DMXL2: variants seen among roughly 807,000 people sequenced by gnomAD.
DMXL2 encodes Dmx like 2.
A neutral mutation model predicts 331.1 loss-of-function variants in DMXL2; 103 were observed. That is an observed-to-expected ratio of 0.31 (90% CI 0.27 to 0.37). The LOEUF (loss-of-function observed/expected upper bound fraction) is 0.37, where lower values mean the gene tolerates loss of function less well. DMXL2 is among the 10% of genes least tolerant of loss of function. The pLI is 1.00. For synonymous variants in DMXL2, 1,281 were observed against 1,252.1 expected, an observed-to-expected ratio of 1.02 and a Z score of -0.49; for missense variants, 3,171 against 3,642.9, an observed-to-expected ratio of 0.87 and a Z score of 3.33.
In DMXL2 at chr15:51,456,139, T is replaced by G; in HGVS notation, c.8453A>C (p.Gln2818Pro). The change falls in exon 39 of 44, where the codon CAG (glutamine) becomes CCG (proline). Residue 2818 changes from glutamine (Q) to proline (P), a missense_variant. Physicochemically the swap from Gln to Pro is moderately conservative, Grantham distance 76 (BLOSUM62 -1). Coordinates refer to ENST00000560891, the MANE Select transcript of DMXL2 (RefSeq NM_001378457.1). ...SVRMFEWTRPQQLVCFRQAGN... is the reference protein window; with the variant it reads ...SVRMFEWTRPPQLVCFRQAGN... ...AGCTTGACGAAAGCAGACAAGTTGC[T>G]GAGGCCGCGTCCATTCAAACATTCG... 6.2e-7 allele frequency: 1 copy of G among 1,614,210 alleles called. No homozygotes were observed. Among genetic ancestry groups the G allele is most frequent in the Non-Finnish European group, 8.5e-7 (1 of 1,180,028 alleles).
In DMXL2 at chr15:51,488,622, C is replaced by T. The variant is rs1244294875; in HGVS notation, c.4977G>A (p.Arg1659=). ...GTGCAGCATCTAAGGCATCATTGTTCCTTTGAAAAGAAGCTTTGGCAACCT... is the reference window on the plus strand; with the variant it reads ...GTGCAGCATCTAAGGCATCATTGTTTCTTTGAAAAGAAGCTTTGGCAACCT... ...IEKVAKASFQ[R]NNDALDAALF... is the part of the protein sequence containing the mutation. Residue 1659 remains arginine, a synonymous_variant, in exon 21 of 44, where the codon AGG becomes AGA. Transcript: ENST00000560891. 2 of 1,610,098 alleles carry T rather than the reference C, an allele frequency of 1.2e-6. No homozygotes were observed. The highest frequency in any genetic ancestry group is 1.7e-5 in the Admixed American group (1 of 58,948).
intron 6 of DMXL2, among the ~76,000 whole-genome samples, chr15:51,562,897 C>CA (rs1001201501): frequency 6.6e-5 from 10 of 151,952 alleles, no homozygotes; most frequent in Middle Eastern, 6.8e-3. Context: ...AGTGGGAAGG[C>CA]AAAAAATAAT....
intron 13 of DMXL2, among the ~76,000 whole-genome samples, chr15:51,521,230 C>A (rs112513444): frequency 0.017 from 2,540 of 152,184 alleles, 36 homozygotes; most frequent in Non-Finnish European, 0.03. Flanking sequence ...CCTGGTCCTA[C>A]CATTGCTAGC....
chr15:51,605,957 C>T (rs1296383998), intron 1 of DMXL2, among the ~76,000 whole-genome samples: 1 of 152,228 alleles, frequency 6.6e-6, no homozygotes, highest in Non-Finnish European at 1.5e-5. Flanking sequence ...GAACATAAGG[C>T]TGTGCTCAGC....
At chr15:51,460,803 A>ATGTT (rs1424421282) in intron 33 of DMXL2, among the ~76,000 whole-genome samples, 1 of 152,118 alleles carries the variant, frequency 6.6e-6, no homozygotes, top group Non-Finnish European at 1.5e-5. Flanking sequence ...AACAGCCTTA[A>ATGTT]TGTTTTATTC....
At chr15:51,496,255 T>C (rs1297323239) in intron 18 of DMXL2, among the ~76,000 whole-genome samples, 3 of 152,130 alleles carry the variant, frequency 2.0e-5, no homozygotes, top group South Asian at 2.1e-4. Flanking sequence ...GGGGATCATA[T>C]TTTAGGAGGT....
rs951870664 is a variant in DMXL2, at chr15:51,488,602, G to A, written c.4997C>T (p.Ala1666Val). 3.1e-6 allele frequency: 5 copies of A among 1,612,818 alleles called. No homozygotes were observed. In the African/African-American group the frequency reaches 4.0e-5, roughly 13 times the overall value. ...CTTCATTGAAAGGTAGAATAGTGCA[G>A]CATCTAAGGCATCATTGTTCCTTTG... ...SFQRNNDALDAALFYLSMKKK... is the reference protein window; with the variant it reads ...SFQRNNDALDVALFYLSMKKK... The change falls in exon 21 of 44, where the codon GCT (alanine) becomes GTT (valine). Residue 1666 changes from alanine to valine, a missense_variant. Ala to Val is a moderately conservative substitution (Grantham distance 64). This residue lies in a region of DMXL2 where 252 missense variants were observed against 387.4 expected (regional missense o/e 0.65). Coordinates refer to ENST00000560891, the MANE Select transcript of DMXL2 (RefSeq NM_001378457.1).
At chr15:51,535,588 C>T (rs1047765355) in intron 13 of DMXL2, 75 bp downstream of exon 13, 55 of 1,387,928 alleles carry the variant, frequency 4.0e-5, no homozygotes, top group Non-Finnish European at 5.2e-5. Context: ...AACTAACAAA[C>T]ACAGGTCCTA....
At chr15:51,589,084 C>G (rs2141224472) in intron 1 of DMXL2, among the ~76,000 whole-genome samples, 1 of 152,288 alleles carries the variant, frequency 6.6e-6, no homozygotes, top group Non-Finnish European at 1.5e-5. Context: ...TAATAACCAT[C>G]TGGAAATGAC....
chr15:51,540,776 G>A (rs2048550742), intron 9 of DMXL2, among the ~76,000 whole-genome samples: 1 of 152,076 alleles, frequency 6.6e-6, no homozygotes, highest in African/African-American at 2.4e-5. Flanking sequence ...TAACAAAATT[G>A]TTTTTAAAAT....
chr15:51,614,793 A>C (rs1056497019), intron 1 of DMXL2, among the ~76,000 whole-genome samples: 4 of 152,222 alleles, frequency 2.6e-5, no homozygotes, highest in African/African-American at 4.8e-5. Flanking sequence ...TGAGTGGAAA[A>C]AAAAGCCACG....
Position 51,576,046 on chromosome 15 carries a change from A to G in DMXL2, c.213+10T>C. The stretch of plus-strand genomic sequence containing the variant: ...TAAATGACATTCAGTAAAGAAATTA[A>G]ATCCCTTACTCTTCCTTGTTGGTTA... On this transcript the variant is annotated intron_variant, in intron 2 of 43. Coordinates refer to ENST00000560891, the MANE Select transcript of DMXL2 (RefSeq NM_001378457.1). The G allele has an allele frequency of 6.3e-7, 1 of 1,594,232 alleles. No individual in the cohort carries two copies. Among genetic ancestry groups the G allele is most frequent in the Non-Finnish European group, 8.5e-7 (1 of 1,173,918 alleles).
chr15:51,558,509 A>G (rs2049743416), intron 6 of DMXL2, among the ~76,000 whole-genome samples: 1 of 152,234 alleles, frequency 6.6e-6, no homozygotes, highest in Non-Finnish European at 1.5e-5. Context: ...TTCATATCAC[A>G]TGACAGTTAC....
intron 21 of DMXL2, 58 bp downstream of exon 21, chr15:51,488,490 C>G: frequency 1.4e-6 from 2 of 1,428,522 alleles, no homozygotes; most frequent in Non-Finnish European, 2.0e-6. Context: ...CATTAGGTTT[C>G]TTACTCACAG....
In DMXL2 at chr15:51,464,845, A is replaced by C. The variant is rs1047485409; in HGVS notation, c.7638T>G (p.Ala2546=). 6.2e-7 allele frequency: 1 copy of C among 1,614,012 alleles called. No homozygotes were observed. Among genetic ancestry groups the C allele is most frequent in the Non-Finnish European group, 8.5e-7 (1 of 1,179,982 alleles). The change falls in exon 32 of 44, where the codon GCT becomes GCG. Residue 2546 remains alanine, a synonymous_variant. Transcript: ENST00000560891. ...ELPVTSPLGI[A]VIKNLENWEQ... is the part of the protein sequence containing the mutation. Reference sequence around the variant, plus strand: ...CCCAGTTCTCCAAGTTTTTAATCACAGCAATACCTAATGGTGATGTTACAG... The same window carrying C: ...CCCAGTTCTCCAAGTTTTTAATCACCGCAATACCTAATGGTGATGTTACAG...
intron 1 of DMXL2, among the ~76,000 whole-genome samples, chr15:51,601,711 C>A (rs1016309906): frequency 1.9e-4 from 29 of 152,102 alleles, no homozygotes; most frequent in African/African-American, 7.0e-4. Context: ...TTCAATATTG[C>A]CTTATCTATT....
At chr15:51,455,361 CCCAAAAAGT>C in intron 39 of DMXL2, 133 bp from the exon 40 acceptor site, 1 of 773,422 alleles carries the variant, frequency 1.3e-6, no homozygotes, top group Non-Finnish European at 2.1e-6. Context: ...TGCTGTCATT[CCCAAAAAGT>C]CCAAGTGCTA....
At position 51,542,527 on chromosome 15, in the gene DMXL2, G is replaced by T. The variant is rs2048656490; in HGVS notation, c.931-20C>A. On this transcript the variant is annotated intron_variant, in intron 8 of 43. Coordinates refer to ENST00000560891, the MANE Select transcript of DMXL2 (RefSeq NM_001378457.1). ...TATTGTCTAAAATAGAAAAATAGTT[G>T]CTGAGTCCAACTCTGGAACCTCTAA... The T allele has an allele frequency of 6.3e-7, 1 of 1,589,500 alleles. No individual in the cohort carries two copies. The highest frequency in any genetic ancestry group is 1.1e-5 in the South Asian group (1 of 88,322).
At chr15:51,458,261 T>C (rs1243750585) in intron 36 of DMXL2, among the ~76,000 whole-genome samples, 4 of 152,242 alleles carry the variant, frequency 2.6e-5, no homozygotes, top group Non-Finnish European at 4.4e-5. Flanking sequence ...CTGAATATCA[T>C]GAAGCCAAGT....
Sources: gnomAD v4.1 joint callset for allele counts (sites outside exome capture counted in the v4.1 genomes callset) on GRCh38, gnomAD v4.1.1 for gene constraint, gnomAD v4.1.1 regional missense constraint, MANE v1.5 for transcripts, NCBI Gene and HGNC (gene_info 2026-07-23, HGNC 2026-07-21) for gene names.